Variants in GABRB1 observed in about 807,000 individuals in gnomAD.
The protein encoded by GABRB1 is gamma-aminobutyric acid receptor subunit beta-1.
In GABRB1, 17 loss-of-function variants were observed where a neutral mutation model predicts 51.6. The ratio of observed to expected loss-of-function variants is 0.33; its 90% confidence interval spans 0.23 to 0.49. GABRB1 has a LOEUF of 0.49. Among genes scored for constraint, GABRB1 ranks in the 20% least tolerant of loss-of-function variants. The pLI is 0.99. For missense variants in GABRB1, 410 were observed against 600.6 expected (o/e 0.68, Z 3.32); for synonymous variants, 247 against 218.9 (o/e 1.13, Z -1.14).
At chr4:47,423,083 A>G (rs1341929017) in intron 8 of GABRB1, among the ~76,000 whole-genome samples, 1 of 152,096 alleles carries the variant, frequency 6.6e-6, no homozygotes, top group South Asian at 2.1e-4. Flanking sequence ...CTAAAAATCA[A>G]CATCAACACA....
At chr4:47,123,258 T>C (rs901350678) in intron 3 of GABRB1, among the ~76,000 whole-genome samples, 6 of 144,718 alleles carry the variant, frequency 4.1e-5, no homozygotes, top group Non-Finnish European at 7.5e-5. Context: ...TACATATGTG[T>C]ATGTGTGTGT....
chr4:47,246,966 T>C (rs1413070311), intron 4 of GABRB1, among the ~76,000 whole-genome samples: 1 of 152,192 alleles, frequency 6.6e-6, no homozygotes, highest in Non-Finnish European at 1.5e-5. Context: ...TCTCCCACTC[T>C]GTAGGCTGTC....
Position 47,174,909 on chromosome 4 carries a change from TTTCC to T in GABRB1, c.461+13456_461+13459del, listed in dbSNP as rs142550363. Among the ~76,000 whole-genome samples, 1,265 of 134,310 alleles carry T rather than the reference TTTCC, an allele frequency of 9.4e-3. 18 individuals carry two copies. The highest frequency in any genetic ancestry group is 0.034 in the South Asian group (121 of 3,600). 88.1% of individuals were successfully genotyped at this position (134,310 alleles called of 152,430 possible). On this transcript the variant is annotated intron_variant, in intron 4 of 8. Coordinates refer to ENST00000295454, the MANE Select transcript of GABRB1 (RefSeq NM_000812.4). ...CCTTCTTTCCTTCCTTCCTTCCTTC[TTTCC>T]TTCCTTCCTTCCTTCTTTCCTTCCT...
intron 3 of GABRB1, among the ~76,000 whole-genome samples, chr4:47,092,161 CTTTCTTTTTTTTTTTTTT>C (rs1180974297): frequency 8.6e-4 from 59 of 68,226 alleles, no homozygotes; most frequent in African/African-American, 3.4e-3. Flanking sequence ...TTCTTTCTTT[CTTTCTTTTTTTTTTTTTT>C]TTTTTTTTTT....
chr4:47,354,571 T>C (rs1560348251), intron 5 of GABRB1, among the ~76,000 whole-genome samples: 2 of 152,156 alleles, frequency 1.3e-5, no homozygotes, highest in Non-Finnish European at 2.9e-5. Flanking sequence ...TCTTTTCCTT[T>C]CATCTTAGGA....
intron 3 of GABRB1, among the ~76,000 whole-genome samples, chr4:47,086,483 A>T (rs901543333): frequency 3.9e-5 from 6 of 152,208 alleles, no homozygotes; most frequent in Admixed American, 3.9e-4. Context: ...TGAACACTAG[A>T]GAAAGGGCAG....
chr4:47,124,585 C>T (rs1716028236), intron 3 of GABRB1, among the ~76,000 whole-genome samples: 1 of 152,080 alleles, frequency 6.6e-6, no homozygotes, highest in African/African-American at 2.4e-5. Context: ...TCTCAGTGCA[C>T]TACACGAAAA....
intron 1 of GABRB1, among the ~76,000 whole-genome samples, chr4:47,014,125 A>T (rs988421981): frequency 5.3e-5 from 8 of 152,202 alleles, no homozygotes; most frequent in African/African-American, 1.9e-4. Flanking sequence ...CAACTCTAAA[A>T]ACACTAGAGA....
chr4:47,355,146 A>G (rs1726519413), intron 5 of GABRB1, among the ~76,000 whole-genome samples: 1 of 150,864 alleles, frequency 6.6e-6, no homozygotes, highest in Admixed American at 6.6e-5. Flanking sequence ...ACGCCCAGCT[A>G]ATTTTTGTAT....
At chr4:47,105,167 A>G (rs746099478) in intron 3 of GABRB1, among the ~76,000 whole-genome samples, 2 of 152,140 alleles carry the variant, frequency 1.3e-5, no homozygotes, top group Non-Finnish European at 2.9e-5. Context: ...TCAGTGCATC[A>G]TTGTCTTTAT....
At chr4:47,044,166 A>G (rs1342884589) in intron 3 of GABRB1, among the ~76,000 whole-genome samples, 1 of 152,054 alleles carries the variant, frequency 6.6e-6, no homozygotes, top group Non-Finnish European at 1.5e-5. Flanking sequence ...GTAGCCCAAG[A>G]TGTGAAATCA....
At chr4:47,044,624 A>T (rs1726005988) in intron 3 of GABRB1, among the ~76,000 whole-genome samples, 1 of 152,042 alleles carries the variant, frequency 6.6e-6, no homozygotes, top group Non-Finnish European at 1.5e-5. Context: ...CAATAGTGTA[A>T]TTGTTAAGTG....
intron 4 of GABRB1, among the ~76,000 whole-genome samples, chr4:47,246,161 C>T (rs1721730091): frequency 6.7e-6 from 1 of 148,960 alleles, no homozygotes; most frequent in Non-Finnish European, 1.5e-5. Context: ...TGAGAACACA[C>T]AATGTTTAGT....
chr4:46,994,837 G>T (rs1723934149), intron 1 of GABRB1, among the ~76,000 whole-genome samples: 1 of 152,166 alleles, frequency 6.6e-6, no homozygotes, highest in Admixed American at 6.5e-5. Flanking sequence ...CTGATGATTT[G>T]TTCAAATTGA....
chr4:47,215,521 A>C (rs1321195562), intron 4 of GABRB1, among the ~76,000 whole-genome samples: 2 of 152,114 alleles, frequency 1.3e-5, no homozygotes, highest in Non-Finnish European at 2.9e-5. Context: ...GAAGGGGGAA[A>C]AATCAAAAGA....
intron 4 of GABRB1, among the ~76,000 whole-genome samples, chr4:47,188,944 T>A (rs1161431624): frequency 6.6e-6 from 1 of 152,010 alleles, no homozygotes; most frequent in Non-Finnish European, 1.5e-5. Flanking sequence ...AAACAGTAGA[T>A]GCATTACCAG....
intron 4 of GABRB1, among the ~76,000 whole-genome samples, chr4:47,301,344 G>T (rs577203140): frequency 2.0e-5 from 3 of 152,226 alleles, no homozygotes; most frequent in African/African-American, 7.2e-5. Context: ...ATGGATTAAA[G>T]ATTTTAATAA....
At chr4:47,359,136 G>A (rs1172006490) in intron 5 of GABRB1, among the ~76,000 whole-genome samples, 3 of 152,118 alleles carry the variant, frequency 2.0e-5, no homozygotes, top group African/African-American at 4.8e-5. Flanking sequence ...CACAGAAAGT[G>A]AAATGGCTTC....
At chr4:47,145,386 C>T (rs576614719) in intron 3 of GABRB1, among the ~76,000 whole-genome samples, 5 of 152,092 alleles carry the variant, frequency 3.3e-5, no homozygotes, top group South Asian at 2.1e-4. Context: ...CATTCATGTG[C>T]ACTTGCAGTG....
Sources: allele counts gnomAD v4.1 joint callset (sites outside exome capture counted in the v4.1 genomes callset), GRCh38; gene constraint gnomAD v4.1.1; transcripts MANE v1.5; gene names NCBI Gene and HGNC (gene_info 2026-07-23, HGNC 2026-07-21).